DMD: variants seen among roughly 807,000 people sequenced by gnomAD.
DMD encodes dystrophin.
A neutral mutation model predicts 330.1 loss-of-function variants in DMD; 63 were observed. The observed-to-expected ratio is 0.19, with a 90% confidence interval of 0.16 to 0.24. The LOEUF is 0.24. DMD is among the 10% of genes least tolerant of loss of function. The probability of loss-of-function intolerance (pLI) is 1.00; values close to 1 mark genes in which losing one functional copy is unlikely to be tolerated. For missense variants in DMD, 3,344 were observed against 2,684.1 expected (o/e 1.25, Z -5.43); for synonymous variants, 1,223 against 959.8 (o/e 1.27, Z -5.07).
chrX:32,048,157 C>A (rs2096076669), intron 44 of DMD, among the ~76,000 whole-genome samples: 1 of 98,766 alleles, frequency 1.0e-5, no homozygotes, highest in Non-Finnish European at 2.0e-5. Context: ...CTAGATATAT[C>A]ATCTCATTTA....
chrX:32,348,016 T>C lies in DMD; in HGVS notation c.5448+390A>G, dbSNP rs1476232095. Among the ~76,000 whole-genome samples, 3 of 112,048 alleles carry C rather than the reference T, an allele frequency of 2.7e-5. No homozygotes were observed. The Admixed American group carries it at 2.9e-4, about 11-fold the overall frequency. ...CATATTATGCATTATTCTCTCTTCA[T>C]TGAAATAAATGTTATACTACCAAAA... is the stretch of plus-strand genomic sequence containing the variant. On this transcript the variant is annotated intron_variant, in intron 38 of 78. Transcript: ENST00000357033.
At chrX:31,263,978 G>C (rs1411403715) in intron 62 of DMD, among the ~76,000 whole-genome samples, 1 of 112,285 alleles carries the variant, frequency 8.9e-6, no homozygotes, top group African/African-American at 3.2e-5. Flanking sequence ...TTTTCTACCT[G>C]TGATGAATCC....
intron 60 of DMD, among the ~76,000 whole-genome samples, chrX:31,384,701 A>T (rs989497085): frequency 2.7e-5 from 3 of 111,484 alleles, no homozygotes; most frequent in African/African-American, 9.8e-5. Context: ...TCTGTCCATG[A>T]TGTGGAAAGC....
chrX:32,603,611 C>G (rs183461680), intron 12 of DMD, among the ~76,000 whole-genome samples: 1 of 110,670 alleles, frequency 9.0e-6, no homozygotes, highest in African/African-American at 3.3e-5. Flanking sequence ...AGGCCACTAG[C>G]TAGATTAACC....
chrX:32,508,163 C>A (rs1046281926), intron 18 of DMD, among the ~76,000 whole-genome samples: 2 of 111,068 alleles, frequency 1.8e-5, no homozygotes, highest in African/African-American at 6.5e-5. Context: ...ATTACCAACT[C>A]TGTATACAGC....
chrX:33,152,564 A>G (rs762468935), intron 1 of DMD, among the ~76,000 whole-genome samples: 5 of 109,465 alleles, frequency 4.6e-5, no homozygotes, highest in African/African-American at 1.7e-4. Flanking sequence ...GATACGTTGC[A>G]TTTATATTGT....
chrX:31,840,306 G>A (rs2093291004), intron 48 of DMD, among the ~76,000 whole-genome samples: 1 of 111,215 alleles, frequency 9.0e-6, no homozygotes, highest in Non-Finnish European at 1.9e-5. Flanking sequence ...ATATTTATAA[G>A]CTAGAGATTG....
intron 29 of DMD, among the ~76,000 whole-genome samples, chrX:32,421,462 C>T (rs16990354): frequency 0.15 from 16,202 of 110,743 alleles, 986 homozygotes; most frequent in African/African-American, 0.2. Context: ...CTTCTGCTTT[C>T]GAAACATTCT....
intron 59 of DMD, among the ~76,000 whole-genome samples, chrX:31,457,410 A>G (rs2066262435): frequency 8.9e-6 from 1 of 111,830 alleles, no homozygotes; most frequent in African/African-American, 3.2e-5. Context: ...TGTTCTAGGC[A>G]CTGGAAATAC....
chrX:32,042,222 T>C (rs1366839309), intron 44 of DMD, among the ~76,000 whole-genome samples: 2 of 104,592 alleles, frequency 1.9e-5, no homozygotes, highest in South Asian at 8.7e-4. Context: ...TACACACACA[T>C]ATATGTGCAA....
chrX:32,955,431 A>G (rs1235100675), intron 2 of DMD, among the ~76,000 whole-genome samples: 2 of 109,617 alleles, frequency 1.8e-5, no homozygotes, highest in Non-Finnish European at 3.8e-5. Context: ...TAAATGCTGG[A>G]TTTTAGACCT....
chrX:32,866,401 ATT>A (rs2082480510), intron 2 of DMD, among the ~76,000 whole-genome samples: 1 of 111,997 alleles, frequency 8.9e-6, no homozygotes, highest in Admixed American at 9.5e-5. Flanking sequence ...ACATATGAAT[ATT>A]TGTTTCTACA....
intron 7 of DMD, among the ~76,000 whole-genome samples, chrX:32,731,216 C>T (rs1311349863): frequency 5.3e-5 from 6 of 112,264 alleles, no homozygotes; most frequent in South Asian, 7.4e-4. Context: ...GCTTAAAAAA[C>T]GGCACACCAG....
intron 51 of DMD, among the ~76,000 whole-genome samples, chrX:31,742,483 G>C (rs1416319155): frequency 8.9e-6 from 1 of 111,983 alleles, no homozygotes; most frequent in Non-Finnish European, 1.9e-5. Flanking sequence ...CAGGGAATAG[G>C]GAGGCCCAAG....
chrX:31,931,598 A>G (rs1385271540), intron 46 of DMD, among the ~76,000 whole-genome samples: 1 of 111,124 alleles, frequency 9.0e-6, no homozygotes, highest in Non-Finnish European at 1.9e-5. Flanking sequence ...CTTCCCTAAG[A>G]AAATGGATTC....
At chrX:32,616,572 C>T (rs766262990) in intron 11 of DMD, among the ~76,000 whole-genome samples, 8 of 109,547 alleles carry the variant, frequency 7.3e-5, no homozygotes, top group Admixed American at 4.9e-4. Context: ...TTGTTTAGAG[C>T]GAGACCGTGG....
chrX:31,394,229 A>G (rs139318085), intron 60 of DMD, among the ~76,000 whole-genome samples: 2 of 112,527 alleles, frequency 1.8e-5, no homozygotes, highest in East Asian at 2.8e-4. Context: ...AGATTGTGAT[A>G]TAAGAATTGT....
chrX:32,793,176 A>C (rs1303234638), intron 7 of DMD, among the ~76,000 whole-genome samples: 1 of 112,185 alleles, frequency 8.9e-6, no homozygotes, highest in Non-Finnish European at 1.9e-5. Flanking sequence ...ATTGAACAAC[A>C]TACTCCTGAA....
At chrX:31,253,701 T>C (rs774242998) in intron 63 of DMD, among the ~76,000 whole-genome samples, 1 of 111,796 alleles carries the variant, frequency 8.9e-6, no homozygotes, top group South Asian at 3.8e-4. Context: ...ACTTAACTAG[T>C]TCTCCTAACT....
Sources: allele counts gnomAD v4.1 joint callset (sites outside exome capture counted in the v4.1 genomes callset), GRCh38; gene constraint gnomAD v4.1.1; transcripts MANE v1.5; gene names NCBI Gene and HGNC (gene_info 2026-07-23, HGNC 2026-07-21).